DLGAP2: variants seen among roughly 807,000 people sequenced by gnomAD.
The protein encoded by DLGAP2 is disks large-associated protein 2.
Under a neutral mutation model 100.3 loss-of-function variants are expected in DLGAP2, and 26 were observed. That is an observed-to-expected ratio of 0.26 (90% CI 0.19 to 0.36). The LOEUF (loss-of-function observed/expected upper bound fraction) is 0.36. Ranked by LOEUF, DLGAP2 falls within the 10% of genes least tolerant of loss-of-function variation. DLGAP2 has a pLI of 1.00. For synonymous variants in DLGAP2, 886 were observed against 630.1 expected (o/e 1.41, Z -6.08); for missense variants, 1,858 against 1,453.2 (o/e 1.28, Z -4.53).
Position 1,632,851 on chromosome 8 carries a change from C to A in DLGAP2, c.1615C>A (p.Gln539Lys). 2.5e-6 allele frequency: 4 copies of A among 1,612,396 alleles called. No individual in the cohort carries two copies. Among genetic ancestry groups the A allele is most frequent in the Non-Finnish European group, 2.5e-6 (3 of 1,178,890 alleles). ...GGTGAGCGAGGCGGAGATCAATGGG[C>A]AATTCGAGTCCGTGTGCGAGTCCGT... is the stretch of plus-strand genomic sequence containing the variant. ...SQVSEAEINGQFESVCESVFS... is the reference protein window; with the variant it reads ...SQVSEAEINGKFESVCESVFS... Residue 539 changes from glutamine (Q) to lysine (K), a missense_variant, in exon 8 of 15, where the codon CAA becomes AAA. Coordinates refer to ENST00000637795, the MANE Select transcript of DLGAP2 (RefSeq NM_001346810.2).
intron 3 of DLGAP2, among the ~76,000 whole-genome samples, chr8:1,262,137 A>T (rs1037038105): frequency 1.3e-5 from 2 of 152,262 alleles, no homozygotes; most frequent in African/African-American, 2.4e-5. Flanking sequence ...CCAGTCTCAG[A>T]TGATAATATC....
intron 3 of DLGAP2, among the ~76,000 whole-genome samples, chr8:1,483,477 A>G (rs1799155618): frequency 6.8e-6 from 1 of 147,096 alleles, no homozygotes; most frequent in Non-Finnish European, 1.5e-5. Flanking sequence ...GCGTCTCCAC[A>G]GGGCAGGGAG....
At chr8:1,254,950 CTG>C (rs1239865621) in intron 2 of DLGAP2, among the ~76,000 whole-genome samples, 3 of 142,490 alleles carry the variant, frequency 2.1e-5, no homozygotes, top group Non-Finnish European at 3.1e-5. Context: ...TGCCCGGGTG[CTG>C]TGTGTGTGTC....
At chr8:1,119,950 G>A (rs1345309830) in intron 2 of DLGAP2, among the ~76,000 whole-genome samples, 1 of 152,194 alleles carries the variant, frequency 6.6e-6, no homozygotes, top group Admixed American at 6.5e-5. Flanking sequence ...CTGGAAGGCT[G>A]CTATAGGAAA....
intron 2 of DLGAP2, among the ~76,000 whole-genome samples, chr8:1,016,900 ACGG>A (rs1367160268): frequency 0.05 from 2 of 40 alleles, 1 homozygote. Flanking sequence ...ACCAGGACAG[ACGG>A]CGCCTCCACT....
intron 3 of DLGAP2, among the ~76,000 whole-genome samples, chr8:1,452,448 G>C (rs145402291): frequency 6.6e-6 from 1 of 152,362 alleles, no homozygotes; most frequent in African/African-American, 2.4e-5. Context: ...AATGGAAGAT[G>C]CATTCAGCAC....
At chr8:823,636 G>A (rs1291675790) in intron 1 of DLGAP2, among the ~76,000 whole-genome samples, 4 of 152,108 alleles carry the variant, frequency 2.6e-5, no homozygotes, top group Non-Finnish European at 4.4e-5. Context: ...CACCCCAGCA[G>A]GGATGTGTGG....
In DLGAP2 at chr8:1,704,047, C is replaced by T. The variant is rs1053021848; in HGVS notation, c.*2641C>T. The T allele has an allele frequency of 2.6e-5, 4 of 152,538 alleles. No individual in the cohort carries two copies. The highest frequency in any genetic ancestry group is 4.4e-5 in the Non-Finnish European group (3 of 68,020). The allele number at this position is 152,538 out of a possible 1,614,324, so 9.4% of individuals were successfully genotyped here. On this transcript the variant is annotated 3_prime_UTR_variant, in exon 15 of 15. Coordinates refer to ENST00000637795, the MANE Select transcript of DLGAP2 (RefSeq NM_001346810.2). Reference sequence around the variant, plus strand: ...ATGCAGGTGACATTCTACCATGAAACGCAGAAGATAAGCCATGTTTCTGTA... The same window carrying T: ...ATGCAGGTGACATTCTACCATGAAATGCAGAAGATAAGCCATGTTTCTGTA...
At position 1,468,510 on chromosome 8, in the gene DLGAP2, A is replaced by G. The variant is rs551603398; in HGVS notation, c.107-32856A>G. 2.4e-4 allele frequency among the ~76,000 whole-genome samples: 36 copies of G among 152,348 alleles called. No homozygotes were observed. In the South Asian group the frequency reaches 6.8e-3, roughly 29 times the overall value. ...GGCTGGCCCTGAGTCCTTAGCAGCCATGGTGGGTTCTGAGAACCACACCTG... is the reference window on the plus strand; with the variant it reads ...GGCTGGCCCTGAGTCCTTAGCAGCCGTGGTGGGTTCTGAGAACCACACCTG... On this transcript the variant is annotated intron_variant, in intron 3 of 14. Coordinates refer to ENST00000637795, the MANE Select transcript of DLGAP2 (RefSeq NM_001346810.2).
At chr8:1,563,857 T>C (rs2906582) in intron 5 of DLGAP2, among the ~76,000 whole-genome samples, 68,691 of 152,018 alleles carry the variant, frequency 0.45, 15,704 homozygotes, top group Middle Eastern at 0.6. Context: ...TCACAGGCAA[T>C]ATGGACACTG....
intron 2 of DLGAP2, among the ~76,000 whole-genome samples, chr8:1,067,851 T>C (rs1803306701): frequency 6.6e-6 from 1 of 151,932 alleles, no homozygotes; most frequent in Admixed American, 6.6e-5. Context: ...CTCTTGGCAT[T>C]GTCACTGCAC....
chr8:780,180 GTT>G (rs1321306649), intron 1 of DLGAP2, among the ~76,000 whole-genome samples: 1 of 152,082 alleles, frequency 6.6e-6, no homozygotes, highest in East Asian at 1.9e-4. Context: ...GGCCCTCACT[GTT>G]CTACTCTGTT....
chr8:1,208,168 C>A (rs1222115748), intron 2 of DLGAP2, among the ~76,000 whole-genome samples: 1 of 152,092 alleles, frequency 6.6e-6, no homozygotes, highest in Non-Finnish European at 1.5e-5. Context: ...TTTTCCAATG[C>A]CATCTTCTAG....
intron 1 of DLGAP2, among the ~76,000 whole-genome samples, chr8:766,551 C>T (rs140003809): frequency 1.3e-3 from 199 of 152,270 alleles, no homozygotes; most frequent in African/African-American, 4.5e-3. Flanking sequence ...ATGTGTCCGG[C>T]GTTATTGGCT....
At chr8:1,188,117 A>C (rs1431866881) in intron 2 of DLGAP2, among the ~76,000 whole-genome samples, 2 of 61,414 alleles carry the variant, frequency 3.3e-5, no homozygotes, top group Non-Finnish European at 5.6e-5. Context: ...CCTCCGTGAC[A>C]TTTGCCTCAC....
intron 6 of DLGAP2, among the ~76,000 whole-genome samples, chr8:1,577,567 C>CAAAA (rs10646663): frequency 0.015 from 1,613 of 105,694 alleles, 54 homozygotes; most frequent in African/African-American, 0.054. Context: ...CACTCTCTCT[C>CAAAA]AAAAAAAAAA....
intron 2 of DLGAP2, among the ~76,000 whole-genome samples, chr8:1,194,394 A>G (rs79499308): frequency 0.28 from 42,657 of 152,022 alleles, 6,761 homozygotes; most frequent in Middle Eastern, 0.44. Context: ...TAAGGGCACC[A>G]TGCTCACCGT....
chr8:1,376,176 A>T (rs1802382986), intron 3 of DLGAP2, among the ~76,000 whole-genome samples: 1 of 151,920 alleles, frequency 6.6e-6, no homozygotes, highest in Admixed American at 6.6e-5. Context: ...AACATCAGCC[A>T]TGAAAGGAAT....
At chr8:1,110,175 G>C (rs1320710636) in intron 2 of DLGAP2, among the ~76,000 whole-genome samples, 1 of 144,502 alleles carries the variant, frequency 6.9e-6, no homozygotes, top group Non-Finnish European at 1.5e-5. Context: ...GGTCTGTGAG[G>C]TGTGCATGGG....
Sources: allele counts gnomAD v4.1 joint callset (sites outside exome capture counted in the v4.1 genomes callset), GRCh38; gene constraint gnomAD v4.1.1; transcripts MANE v1.5; gene names NCBI Gene and HGNC (gene_info 2026-07-23, HGNC 2026-07-21).